MAST4: variants seen among roughly 807,000 people sequenced by gnomAD.
MAST4 encodes the protein microtubule-associated serine/threonine-protein kinase 4.
In MAST4, 89 loss-of-function variants were observed where a neutral mutation model predicts 162.7. The ratio of observed to expected loss-of-function variants is 0.55; its 90% CI spans 0.46 to 0.65. The LOEUF (loss-of-function observed/expected upper bound fraction) is 0.65. Ranked by LOEUF, MAST4 falls within the 30% of genes least tolerant of loss-of-function variation. MAST4 has a pLI of 0.00. For synonymous variants in MAST4, 1,479 were observed against 1,361.1 expected (o/e 1.09, Z -1.91); for missense variants, 3,153 against 3,374.0 (o/e 0.93, Z 1.62).
chr5:67,129,596 C>T (rs1768690172), intron 14 of MAST4, among the ~76,000 whole-genome samples: 1 of 151,780 alleles, frequency 6.6e-6, no homozygotes, highest in African/African-American at 2.4e-5. Context: ...TGGTGGCGTG[C>T]ACCTGTAATC....
At chr5:66,672,074 T>C (rs576712824) in intron 1 of MAST4, among the ~76,000 whole-genome samples, 8 of 152,354 alleles carry the variant, frequency 5.3e-5, no homozygotes, top group African/African-American at 1.9e-4. Flanking sequence ...GATTTAAACA[T>C]GTAGTGTATT....
At chr5:67,111,948 T>G (rs895312398) in intron 11 of MAST4, among the ~76,000 whole-genome samples, 1 of 152,168 alleles carries the variant, frequency 6.6e-6, no homozygotes, top group African/African-American at 2.4e-5. Flanking sequence ...CACCTTATCC[T>G]TACAGTACCC....
Position 67,102,104 on chromosome 5 carries a change from G to A in MAST4, c.1071-432G>A, listed in dbSNP as rs536439360. ...CTTCTTCAGTGATGTGTGGCAGACC[G>A]CAGGTGTATGATAAAAGTGTGAAAT... On this transcript the variant is annotated intron_variant, in intron 8 of 28. Transcript: ENST00000403625. Among the ~76,000 whole-genome samples, 408 of 151,648 alleles carry A rather than the reference G, an allele frequency of 2.7e-3. 1 individual carries two copies. Among genetic ancestry groups the A allele is most frequent in the Non-Finnish European group, 4.3e-3 (289 of 67,946 alleles).
At chr5:66,924,928 A>G (rs1447901986) in intron 4 of MAST4, among the ~76,000 whole-genome samples, 4 of 152,160 alleles carry the variant, frequency 2.6e-5, no homozygotes, top group Non-Finnish European at 5.9e-5. Flanking sequence ...AAATAGGATA[A>G]CATTTTATTT....
rs1420611347 is a variant in MAST4, at chr5:67,104,188, G to C, written c.1147-178G>C. ...AATCAATGGGTTCAGACAAATGTCT[G>C]ATGACATGTATGTACCATTATTTTA... On this transcript the variant is annotated intron_variant, in intron 9 of 28. Transcript: ENST00000403625. Among the ~76,000 whole-genome samples the C allele has an allele frequency of 3.3e-5, 5 of 152,170 alleles. 1 individual carries two copies. Among genetic ancestry groups the C allele is most frequent in the Admixed American group, 3.3e-4 (5 of 15,286 alleles).
chr5:66,870,993 C>T, intron 3 of MAST4: 2 of 371,280 alleles, frequency 5.4e-6, no homozygotes, highest in South Asian at 4.0e-5. Flanking sequence ...AAAGTCTTCT[C>T]TATTAAATCA....
intron 4 of MAST4, among the ~76,000 whole-genome samples, chr5:66,954,432 G>A (rs1358513996): frequency 6.6e-6 from 1 of 152,168 alleles, no homozygotes; most frequent in African/African-American, 2.4e-5. Flanking sequence ...GCAATATAGG[G>A]AGGGTCATTC....
rs944717711 is a variant in MAST4, at chr5:66,909,868, T to C, written c.674+9886T>C. 1.6e-4 allele frequency among the ~76,000 whole-genome samples: 25 copies of C among 152,176 alleles called. 1 individual carries two copies. The highest frequency in any genetic ancestry group is 1.4e-3 in the Admixed American group (22 of 15,276). On this transcript the variant is annotated intron_variant, in intron 4 of 28. Transcript: ENST00000403625. ...AATAAGTCTCACAAGATCTAATGGT[T>C]TTATAAATGGGAGTTCTTCTGCACA... is the stretch of plus-strand genomic sequence containing the variant.
rs1190479655 is a variant in MAST4 at position 66,637,224 on chromosome 5, A to G, written c.363+40206A>G. ...AAATGTAACTAATTTTCTATTGGGCATAGGATTATTTCCATTCTTTTTTTT... is the reference window on the plus strand; with the variant it reads ...AAATGTAACTAATTTTCTATTGGGCGTAGGATTATTTCCATTCTTTTTTTT... On this transcript the variant is annotated intron_variant, in intron 1 of 28. Coordinates refer to ENST00000403625, the MANE Select transcript of MAST4 (RefSeq NM_001164664.2). 3.5e-5 allele frequency among the ~76,000 whole-genome samples: 5 copies of G among 143,162 alleles called. No individual in the cohort carries two copies. The East Asian group carries it at 1.1e-3, about 30-fold the overall frequency. The allele number at this position is 143,162 out of a possible 152,430, so 93.9% of individuals were successfully genotyped here.
chr5:66,685,116 G>A (rs1220026150), intron 1 of MAST4, among the ~76,000 whole-genome samples: 1 of 151,996 alleles, frequency 6.6e-6, no homozygotes, highest in East Asian at 1.9e-4. Context: ...ACAAAAATTA[G>A]CTAGGCGCGG....
At chr5:66,697,175 A>G (rs1490461869) in intron 1 of MAST4, among the ~76,000 whole-genome samples, 1 of 152,210 alleles carries the variant, frequency 6.6e-6, no homozygotes, top group East Asian at 1.9e-4. Flanking sequence ...TAAGTCTTCA[A>G]GTGAAAATTA....
At chr5:66,829,190 G>T (rs537815071) in intron 3 of MAST4, among the ~76,000 whole-genome samples, 2 of 151,952 alleles carry the variant, frequency 1.3e-5, no homozygotes, top group East Asian at 3.9e-4. Context: ...GATCTGGCAT[G>T]CCGTCAAGTG....
intron 4 of MAST4, among the ~76,000 whole-genome samples, chr5:66,907,276 G>A (rs1233411643): frequency 1.3e-5 from 2 of 148,290 alleles, no homozygotes; most frequent in Non-Finnish European, 2.9e-5. Flanking sequence ...AAGAGGCCAG[G>A]CTTCTCCCCA....
At chr5:66,968,677 A>C (rs141839221) in intron 4 of MAST4, among the ~76,000 whole-genome samples, 27 of 152,338 alleles carry the variant, frequency 1.8e-4, no homozygotes, top group South Asian at 4.1e-4. Context: ...TAAACATGAG[A>C]TCGAGTTATA....
At chr5:67,037,492 C>A (rs995873610) in intron 4 of MAST4, among the ~76,000 whole-genome samples, 9 of 152,066 alleles carry the variant, frequency 5.9e-5, no homozygotes, top group Admixed American at 5.9e-4. Flanking sequence ...ATTTGGAGGA[C>A]AGAAGAAGCA....
At chr5:67,005,169 G>GA in intron 4 of MAST4, 1 of 714,424 alleles carries the variant, frequency 1.4e-6, no homozygotes, top group Admixed American at 2.0e-5. Flanking sequence ...AGCCCCTCAG[G>GA]AGCTGGGGTT....
intron 4 of MAST4, among the ~76,000 whole-genome samples, chr5:66,907,590 G>A (rs1346971834): frequency 0.28 from 2,052 of 7,404 alleles, 41 homozygotes; most frequent in South Asian, 0.35. Context: ...GTTGATGCGT[G>A]TGTGTGTGTG....
intron 5 of MAST4, among the ~76,000 whole-genome samples, chr5:67,086,338 GAC>G (rs1763227747): frequency 6.6e-6 from 1 of 152,208 alleles, no homozygotes; most frequent in Non-Finnish European, 1.5e-5. Context: ...ATGTGGCAAA[GAC>G]ACAGGACTTC....
chr5:67,070,488 G>A (rs536890906), intron 5 of MAST4, among the ~76,000 whole-genome samples: 7 of 152,294 alleles, frequency 4.6e-5, no homozygotes, highest in Non-Finnish European at 8.8e-5. Flanking sequence ...TTTACTAGCA[G>A]GGTAGAAGTT....
Sources: gnomAD v4.1 joint callset for allele counts (sites outside exome capture counted in the v4.1 genomes callset) on GRCh38, gnomAD v4.1.1 for gene constraint, MANE v1.5 for transcripts, NCBI Gene and HGNC (gene_info 2026-07-23, HGNC 2026-07-21) for gene names.